The following MYO9A variants were observed in gnomAD, a reference collection of about 807,000 sequenced individuals.
MYO9A encodes the protein myosin IXA.
Under a neutral mutation model 293.3 loss-of-function variants are expected in MYO9A, and 103 were observed. That is an observed-to-expected ratio of 0.35 (90% CI 0.30 to 0.41). The LOEUF (loss-of-function observed/expected upper bound fraction) is 0.41, where lower values mean the gene tolerates loss of function less well. MYO9A is among the 10% of genes least tolerant of loss of function. The pLI, the probability that MYO9A is intolerant of heterozygous loss-of-function variation, is 1.00. For synonymous variants in MYO9A, 1,001 were observed against 1,035.7 expected (o/e 0.97, Z 0.64); for missense variants, 2,685 against 3,033.0 (o/e 0.89, Z 2.69).
intron 12 of MYO9A, among the ~76,000 whole-genome samples, chr15:71,970,975 A>T (rs950055272): frequency 1.5e-4 from 23 of 151,738 alleles, no homozygotes; most frequent in African/African-American, 5.3e-4. Context: ...TGGCTAACAC[A>T]GTGAAACCCC....
At chr15:71,982,889 C>A (rs917794253) in intron 11 of MYO9A, among the ~76,000 whole-genome samples, 4 of 152,168 alleles carry the variant, frequency 2.6e-5, no homozygotes, top group African/African-American at 7.2e-5. Flanking sequence ...GTGAATAATG[C>A]TAAAGGGTAA....
intron 7 of MYO9A, among the ~76,000 whole-genome samples, chr15:72,009,087 ATAAT>A (rs777013835): frequency 5.3e-5 from 8 of 152,222 alleles, no homozygotes; most frequent in Non-Finnish European, 1.0e-4. Context: ...TATTATAAAA[ATAAT>A]TAATAATGTT....
intron 18 of MYO9A, 51 bp from the exon 19 acceptor site, chr15:71,916,543 G>A: frequency 6.4e-7 from 1 of 1,555,636 alleles, no homozygotes; most frequent in Non-Finnish European, 8.7e-7. Flanking sequence ...CTAACAATAA[G>A]CCAAAATTCT....
chr15:71,894,679 G>A (rs942817961), intron 25 of MYO9A, among the ~76,000 whole-genome samples: 1 of 152,184 alleles, frequency 6.6e-6, no homozygotes, highest in East Asian at 1.9e-4. Flanking sequence ...GTATGCTCCA[G>A]ACAATACAGG....
At position 72,046,345 on chromosome 15, in the gene MYO9A, T is replaced by C. The variant is rs201295878; in HGVS notation, c.219A>G (p.Glu73=). 17 of 1,614,030 alleles carry C rather than the reference T, an allele frequency of 1.1e-5. No individual in the cohort carries two copies. Among genetic ancestry groups the C allele is most frequent in the Admixed American group, 1.0e-4 (6 of 60,022 alleles). ...LAEVKEFGGE[E]WILNPTDCPV... is the part of the protein sequence containing the mutation. The stretch of plus-strand genomic sequence containing the variant: ...GACAATCTGTTGGATTGAGAATCCA[T>C]TCTTCTCCACCAAATTCCTTTACCT... Residue 73 remains glutamate, a synonymous_variant, in exon 2 of 42, where the codon GAA becomes GAG. Transcript: ENST00000356056.
intron 18 of MYO9A, among the ~76,000 whole-genome samples, chr15:71,927,933 T>G (rs1158226837): frequency 6.8e-6 from 1 of 146,696 alleles, no homozygotes. Context: ...ACCATAAATG[T>G]ACGGGTTTAC....
At chr15:71,947,836 T>C (rs950900031) in intron 15 of MYO9A, among the ~76,000 whole-genome samples, 1 of 152,130 alleles carries the variant, frequency 6.6e-6, no homozygotes, top group Non-Finnish European at 1.5e-5. Flanking sequence ...AAAGAATGGG[T>C]TCAAATTAAA....
intron 1 of MYO9A, among the ~76,000 whole-genome samples, chr15:72,080,391 A>C (rs1348269303): frequency 7.1e-6 from 1 of 140,108 alleles, no homozygotes; most frequent in Admixed American, 7.7e-5. Flanking sequence ...TTTCTCTGGG[A>C]GTTTCATCAT....
At chr15:72,004,722 C>A (rs1264146028) in intron 8 of MYO9A, among the ~76,000 whole-genome samples, 1 of 152,186 alleles carries the variant, frequency 6.6e-6, no homozygotes, top group East Asian at 1.9e-4. Context: ...AATTTATCAA[C>A]TGGAGCTTGT....
intron 1 of MYO9A, among the ~76,000 whole-genome samples, chr15:72,111,197 A>C (rs886995000): frequency 6.6e-6 from 1 of 150,578 alleles, no homozygotes; most frequent in African/African-American, 2.4e-5. Flanking sequence ...ATTTAAACAT[A>C]ACAAGAAATA....
rs192555530 is a variant in MYO9A, at chr15:71,863,512, T to C, written c.5980-901A>G. Among the ~76,000 whole-genome samples the C allele has an allele frequency of 8.5e-5, 13 of 152,280 alleles. No homozygotes were observed. The East Asian group carries it at 2.5e-3, about 29-fold the overall frequency. The stretch of plus-strand genomic sequence containing the variant: ...TGTTTTACATTTTTGTAAATTTCTT[T>C]AATGTCTGGATTAACAAAAGACACC... On this transcript the variant is annotated intron_variant, in intron 32 of 41. Transcript: ENST00000356056.
intron 1 of MYO9A, among the ~76,000 whole-genome samples, chr15:72,109,971 G>A (rs1404379376): frequency 1.5e-4 from 21 of 135,896 alleles, no homozygotes; most frequent in Non-Finnish European, 2.7e-4. Context: ...AGTCACCTAA[G>A]AACTTTCTCC....
chr15:71,830,423 A>AATGGAAACACTCTGCGAGGCCTAGG, intron 39 of MYO9A, 112 bp from the exon 40 acceptor site: 1 of 994,582 alleles, frequency 1.0e-6, no homozygotes, highest in Non-Finnish European at 1.5e-6. Flanking sequence ...GATAAGAATA[A>AATGGAAACACTCTGCGAGGCCTAGG]ATGGAAACAC....
In MYO9A at chr15:71,861,291, G is replaced by A. The variant is rs147445799; in HGVS notation, c.6091+1209C>T. Among the ~76,000 whole-genome samples the A allele has an allele frequency of 4.9e-3, 739 of 151,254 alleles. 28 individuals carry two copies. The highest frequency in any genetic ancestry group is 0.045 in the Admixed American group (682 of 15,172). Reference sequence around the variant, plus strand: ...CTAGTATTTGCTTCATTCAATTTTAGCCCACTAGTAAAAGCAAAGCTTCAC... The same window carrying A: ...CTAGTATTTGCTTCATTCAATTTTAACCCACTAGTAAAAGCAAAGCTTCAC... On this transcript the variant is annotated intron_variant, in intron 33 of 41. Transcript: ENST00000356056.
At chr15:72,033,363 A>C (rs987682172) in intron 2 of MYO9A, among the ~76,000 whole-genome samples, 1 of 152,224 alleles carries the variant, frequency 6.6e-6, no homozygotes, top group African/African-American at 2.4e-5. Flanking sequence ...CCAGTACATA[A>C]TGTACTATAC....
At chr15:72,051,710 C>G (rs1159935051) in intron 1 of MYO9A, among the ~76,000 whole-genome samples, 5 of 152,144 alleles carry the variant, frequency 3.3e-5, no homozygotes, top group Admixed American at 6.5e-5. Flanking sequence ...GATACACCAG[C>G]CCCCTGCCAC....
intron 6 of MYO9A, among the ~76,000 whole-genome samples, chr15:72,014,300 C>T (rs1463998379): frequency 1.3e-5 from 2 of 152,202 alleles, no homozygotes; most frequent in African/African-American, 4.8e-5. Context: ...AGCATCTTTA[C>T]TAACCTTCAA....
At chr15:71,928,066 T>A (rs1446778415) in intron 18 of MYO9A, among the ~76,000 whole-genome samples, 87 of 11,016 alleles carry the variant, frequency 7.9e-3, no homozygotes, top group Non-Finnish European at 0.022. Flanking sequence ...ATTTTTTTTT[T>A]TTTTTTTTTT....
intron 32 of MYO9A, among the ~76,000 whole-genome samples, chr15:71,868,038 T>A (rs1234969471): frequency 6.6e-6 from 1 of 152,194 alleles, no homozygotes; most frequent in Admixed American, 6.5e-5. Flanking sequence ...TATCTCACAG[T>A]TCAGTAAGCT....
Sources: gnomAD v4.1 joint callset for allele counts (sites outside exome capture counted in the v4.1 genomes callset) on GRCh38, gnomAD v4.1.1 for gene constraint, MANE v1.5 for transcripts, NCBI Gene and HGNC (gene_info 2026-07-23, HGNC 2026-07-21) for gene names.